The following SEM1 variants were observed in gnomAD, a reference collection of about 807,000 sequenced individuals.
SEM1 encodes the protein SEM1 26S proteasome subunit, also known as 26S proteasome complex subunit SEM1.
Under a neutral mutation model 12.7 loss-of-function variants are expected in SEM1, and 3 were observed. That is an observed-to-expected ratio of 0.24 (90% CI 0.11 to 0.61). The LOEUF (loss-of-function observed/expected upper bound fraction) is 0.61, where lower values mean the gene tolerates loss of function less well. SEM1 is among the 20% of genes least tolerant of loss of function. SEM1 has a pLI of 0.88. For missense variants in SEM1, 59 were observed against 81.3 expected (o/e 0.73, Z 1.06); for synonymous variants, 30 against 27.8 (o/e 1.08, Z -0.25).
At chr7:96,679,082 TCTTA>T (rs367934635) in intron 2 of SEM1, among the ~76,000 whole-genome samples, 43 of 152,254 alleles carry the variant, frequency 2.8e-4, no homozygotes, top group East Asian at 1.7e-3. Context: ...TTTTTAACTG[TCTTA>T]CTTAAGAGGA....
intron 1 of SEM1, chr7:96,706,090 T>C (rs1483796328): frequency 2.0e-5 from 3 of 152,284 alleles, no homozygotes; most frequent in South Asian, 2.1e-4. Context: ...ATCCTAAATA[T>C]GATTTTTTAC....
chr7:96,542,748 GGTTTGTGAGA>G (rs1804993735), intron 2 of SEM1, among the ~76,000 whole-genome samples: 1 of 151,704 alleles, frequency 6.6e-6, no homozygotes, highest in Admixed American at 6.6e-5. Context: ...ATTCATATAT[GGTTTGTGAGA>G]GTTTAAATTG....
At chr7:96,481,767 T>A (rs1055810027) in exon 4 of SEM1, 3 of 152,182 alleles carry the variant, frequency 2.0e-5, no homozygotes, top group African/African-American at 7.2e-5. Flanking sequence ...TTTATAGAGA[T>A]AACACTATTC....
chr7:96,635,271 AAT>A (rs1298958937), intron 2 of SEM1, among the ~76,000 whole-genome samples: 13 of 152,206 alleles, frequency 8.5e-5, no homozygotes, highest in African/African-American at 3.1e-4. Flanking sequence ...AAAAGTTTCA[AAT>A]ATAGTAAGTT....
intron 2 of SEM1, among the ~76,000 whole-genome samples, chr7:96,515,922 T>C (rs1454063116): frequency 6.6e-6 from 1 of 152,082 alleles, no homozygotes; most frequent in East Asian, 1.9e-4. Flanking sequence ...AAATACCTAA[T>C]GTAAATGATG....
intron 2 of SEM1, among the ~76,000 whole-genome samples, chr7:96,570,701 C>G (rs919880784): frequency 6.6e-6 from 1 of 152,072 alleles, no homozygotes; most frequent in African/African-American, 2.4e-5. Flanking sequence ...ATTTATAATC[C>G]TTTGGGTATA....
chr7:96,487,750 G>C (rs959246073), intron 1 of SEM1, among the ~76,000 whole-genome samples: 1 of 150,276 alleles, frequency 6.7e-6, no homozygotes, highest in Non-Finnish European at 1.5e-5. Flanking sequence ...ACACCAGAGA[G>C]TCTCAATCTC....
chr7:96,625,058 C>A (rs751078030), intron 2 of SEM1, among the ~76,000 whole-genome samples: 15 of 152,026 alleles, frequency 9.9e-5, no homozygotes, highest in African/African-American at 2.7e-4. Context: ...AAAAACAACT[C>A]CCCCTGCTCA....
intron 2 of SEM1, among the ~76,000 whole-genome samples, chr7:96,584,015 G>A (rs1045051391): frequency 8.6e-5 from 13 of 151,958 alleles, no homozygotes; most frequent in African/African-American, 3.1e-4. Context: ...CAGTCATTAT[G>A]TTAGCTGGTT....
intron 1 of SEM1, among the ~76,000 whole-genome samples, chr7:96,494,768 T>C (rs1293698705): frequency 3.3e-5 from 5 of 150,054 alleles, no homozygotes; most frequent in Admixed American, 3.3e-4. Context: ...GAAAATAGCA[T>C]TGGAAGAATA....
intron 2 of SEM1, among the ~76,000 whole-genome samples, chr7:96,528,971 A>G (rs1170510872): frequency 6.6e-6 from 1 of 152,168 alleles, no homozygotes; most frequent in Non-Finnish European, 1.5e-5. Flanking sequence ...CCCAAAATAT[A>G]TTTCAAAAAC....
At position 96,563,556 on chromosome 7, in the gene SEM1, G is replaced by T. The variant is rs532489972; in HGVS notation, c.171-56858C>A. 2.6e-5 allele frequency among the ~76,000 whole-genome samples: 4 copies of T among 152,150 alleles called. No homozygotes were observed. In the South Asian group the frequency reaches 8.3e-4, roughly 32 times the overall value. Reference sequence around the variant, plus strand: ...ATACAAAAAAATTTGGAATTTATCAGGGTCGATGTTTGTTAAAACTAGAGA... The same window carrying T: ...ATACAAAAAAATTTGGAATTTATCATGGTCGATGTTTGTTAAAACTAGAGA... On this transcript the variant is annotated intron_variant and NMD_transcript_variant, in intron 2 of 3. Coordinates refer to the SEM1 transcript ENST00000466986.
intron 2 of SEM1, among the ~76,000 whole-genome samples, chr7:96,513,690 A>C (rs1665531355): frequency 6.6e-6 from 1 of 152,006 alleles, no homozygotes; most frequent in African/African-American, 2.4e-5. Context: ...TCAGCTGGGC[A>C]TGATGGTGTG....
chr7:96,515,840 C>T lies in SEM1; in HGVS notation c.171-9142G>A, dbSNP rs777844479. 7.3e-4 allele frequency among the ~76,000 whole-genome samples: 111 copies of T among 151,936 alleles called. 1 individual carries two copies. Among genetic ancestry groups the T allele is most frequent in the Non-Finnish European group, 1.5e-3 (99 of 68,018 alleles). On this transcript the variant is annotated intron_variant and NMD_transcript_variant, in intron 2 of 3. Transcript: ENST00000466986. ...GAGCTGAACAATGAGAACACAGGGA[C>T]GCAGGGCAGGGAACATCACACACTG...
At chr7:96,583,448 G>C (rs1227335469) in intron 2 of SEM1, among the ~76,000 whole-genome samples, 2 of 147,384 alleles carry the variant, frequency 1.4e-5, no homozygotes, top group Non-Finnish European at 3.0e-5. Context: ...TGTATATTCT[G>C]TTGATTTGGG....
At chr7:96,701,140 G>C (rs575094131) in intron 1 of SEM1, among the ~76,000 whole-genome samples, 2 of 152,022 alleles carry the variant, frequency 1.3e-5, no homozygotes, top group South Asian at 4.2e-4. Context: ...ACATTAGAGG[G>C]GAGAGAAAAA....
At chr7:96,692,766 C>A (rs981716548) in intron 2 of SEM1, among the ~76,000 whole-genome samples, 5 of 151,954 alleles carry the variant, frequency 3.3e-5, no homozygotes, top group Admixed American at 6.6e-5. Context: ...GATTATTGTT[C>A]AATAGCTATC....
At chr7:96,495,993 G>T (rs1020288124) in intron 1 of SEM1, among the ~76,000 whole-genome samples, 1 of 152,018 alleles carries the variant, frequency 6.6e-6, no homozygotes, top group African/African-American at 2.4e-5. Context: ...GAAAACAGCC[G>T]CAGGCCTCTC....
At chr7:96,544,504 TATTG>T (rs1357576422) in intron 2 of SEM1, among the ~76,000 whole-genome samples, 1 of 152,034 alleles carries the variant, frequency 6.6e-6, no homozygotes, top group Non-Finnish European at 1.5e-5. Flanking sequence ...TTAAAAATAG[TATTG>T]ATTATTCTCT....
Sources: gnomAD v4.1 joint callset for allele counts (sites outside exome capture counted in the v4.1 genomes callset) on GRCh38, gnomAD v4.1.1 for gene constraint, MANE v1.5 for transcripts, NCBI Gene and HGNC (gene_info 2026-07-23, HGNC 2026-07-21) for gene names.